CALD1: variants seen among roughly 807,000 people sequenced by gnomAD.
The protein encoded by CALD1 is caldesmon.
A neutral mutation model predicts 99.9 loss-of-function variants in CALD1; 33 were observed. The ratio of observed to expected loss-of-function variants is 0.33; its 90% CI spans 0.25 to 0.44. The LOEUF (loss-of-function observed/expected upper bound fraction) is 0.44. CALD1 is among the 20% of genes least tolerant of loss of function. CALD1 has a pLI of 1.00. For missense variants in CALD1, 861 were observed against 962.1 expected (o/e 0.89, Z 1.39); for synonymous variants, 310 against 325.0 (o/e 0.95, Z 0.50).
intron 1 of CALD1, among the ~76,000 whole-genome samples, chr7:134,767,677 C>CATGG (rs112636176): frequency 1.1e-3 from 167 of 152,358 alleles, no homozygotes; most frequent in African/African-American, 3.9e-3. Context: ...AGGAAACGTG[C>CATGG]ATGGCTGGGT....
At chr7:134,774,169 C>CAAAAAAAA (rs5887704) in intron 1 of CALD1, among the ~76,000 whole-genome samples, 1 of 135,956 alleles carries the variant, frequency 7.4e-6, no homozygotes, top group Non-Finnish European at 1.6e-5. Flanking sequence ...GATTCCATCT[C>CAAAAAAAA]AAAAAAAAAA....
At chr7:134,790,114 G>A (rs1169570972) in intron 1 of CALD1, among the ~76,000 whole-genome samples, 8 of 148,930 alleles carry the variant, frequency 5.4e-5, no homozygotes, top group African/African-American at 2.5e-5. Flanking sequence ...AGAAAGGAGA[G>A]GACAGAGAGG....
chr7:134,771,890 G>A (rs1562992819), intron 1 of CALD1, among the ~76,000 whole-genome samples: 1 of 151,952 alleles, frequency 6.6e-6, no homozygotes, highest in Non-Finnish European at 1.5e-5. Flanking sequence ...AGACTACCCT[G>A]TTTCTCCCTA....
At chr7:134,952,475 T>C (rs1179668072) in intron 9 of CALD1, among the ~76,000 whole-genome samples, 8 of 145,888 alleles carry the variant, frequency 5.5e-5, no homozygotes, top group Non-Finnish European at 7.6e-5. Flanking sequence ...CCCTTAGTCT[T>C]TTTTTTTTTT....
At chr7:134,929,605 G>GGTGTGTGTATATACACACACATATAT (rs1805333351) in intron 4 of CALD1, among the ~76,000 whole-genome samples, 2 of 11,068 alleles carry the variant, frequency 1.8e-4, no homozygotes. Context: ...AGTATTCCAT[G>GGTGTGTGTATATACACACACATATAT]GTGTGTGTAT....
intron 1 of CALD1, among the ~76,000 whole-genome samples, chr7:134,797,851 CAA>C (rs761244729): frequency 1.3e-5 from 2 of 152,154 alleles, no homozygotes; most frequent in African/African-American, 2.4e-5. Context: ...CTCGGCTTCC[CAA>C]AGTGTTTGGA....
chr7:134,785,627 G>A (rs750925477), intron 1 of CALD1, among the ~76,000 whole-genome samples: 8 of 152,078 alleles, frequency 5.3e-5, no homozygotes, highest in Non-Finnish European at 1.0e-4. Flanking sequence ...TGCATAGTTC[G>A]GATCCCATTT....
rs1460881736 is a variant in CALD1, at chr7:134,779,704, C to A, written c.-175C>A. On this transcript the variant is annotated 5_prime_UTR_variant, in exon 1 of 15. Coordinates refer to ENST00000361675, the MANE Select transcript of CALD1 (RefSeq NM_033138.4). The stretch of plus-strand genomic sequence containing the variant: ...TGTGCTCCTGCTTAAAGAAATCAGT[C>A]CTTCCTTTCCGACTTAGTCCTCGGG... 9 of 398,610 alleles carry A rather than the reference C, an allele frequency of 2.3e-5. No individual in the cohort carries two copies. The highest frequency in any genetic ancestry group is 1.3e-4 in the South Asian group (1 of 7,854). The allele number at this position is 398,610 out of a possible 1,614,324, so 24.7% of individuals were successfully genotyped here. A position where few individuals can be genotyped will look rare whatever the true frequency, so the allele number is the denominator to read the frequency against.
At chr7:134,788,954 G>T (rs1429797698) in intron 1 of CALD1, among the ~76,000 whole-genome samples, 1 of 149,820 alleles carries the variant, frequency 6.7e-6, no homozygotes, top group Non-Finnish European at 1.5e-5. Flanking sequence ...GGTCGAAGCT[G>T]CAGTGAGCTG....
chr7:134,727,276 T>G, the CALD1 span, among the ~76,000 whole-genome samples: 3 of 152,250 alleles, frequency 2.0e-5, no homozygotes, highest in African/African-American at 4.8e-5. Context: ...GTGAGAGCCA[T>G]GTGCTTTGCA....
At chr7:134,733,603 T>C in the CALD1 span, among the ~76,000 whole-genome samples, 2 of 151,738 alleles carry the variant, frequency 1.3e-5, no homozygotes, top group African/African-American at 4.8e-5. Context: ...GGTCAGGAGA[T>C]CGAGACCATC....
chr7:134,804,639 G>C (rs944647201), intron 1 of CALD1, among the ~76,000 whole-genome samples: 7 of 152,162 alleles, frequency 4.6e-5, no homozygotes, highest in Non-Finnish European at 5.9e-5. Flanking sequence ...GATTATCTAA[G>C]AGCATCTTGA....
chr7:134,815,583 G>T lies in CALD1; in HGVS notation c.-129-28301G>T, dbSNP rs1349961224. 3.9e-5 allele frequency among the ~76,000 whole-genome samples: 6 copies of T among 152,252 alleles called. No homozygotes were observed. The East Asian group carries it at 1.2e-3, about 29-fold the overall frequency. On this transcript the variant is annotated intron_variant, in intron 1 of 14. Coordinates refer to ENST00000361675, the MANE Select transcript of CALD1 (RefSeq NM_033138.4). The stretch of plus-strand genomic sequence containing the variant: ...CACCTATCTGAAGTCTCACTGTTTA[G>T]AGGGGTGACCCTCTAAACCATTTCT...
intron 3 of CALD1, among the ~76,000 whole-genome samples, chr7:134,893,517 G>A (rs570161557): frequency 1.3e-4 from 20 of 152,212 alleles, no homozygotes; most frequent in East Asian, 7.7e-4. Context: ...TACCTGATCC[G>A]GTGAAATAAG....
chr7:134,944,186 C>G (rs1806675425), intron 7 of CALD1, among the ~76,000 whole-genome samples: 1 of 152,118 alleles, frequency 6.6e-6, no homozygotes, highest in Non-Finnish European at 1.5e-5. Flanking sequence ...TTTGAGGGAC[C>G]CTTTAACCTT....
intron 3 of CALD1, among the ~76,000 whole-genome samples, chr7:134,913,271 A>T (rs1803954272): frequency 6.6e-6 from 1 of 152,174 alleles, no homozygotes; most frequent in Non-Finnish European, 1.5e-5. Flanking sequence ...CATCTCAAAA[A>T]AGAAAAAAAA....
the CALD1 span, among the ~76,000 whole-genome samples, chr7:134,722,764 AC>A: frequency 6.7e-6 from 1 of 150,174 alleles, no homozygotes. Flanking sequence ...ATCTTATTCC[AC>A]CCCCTCCACC....
intron 1 of CALD1, among the ~76,000 whole-genome samples, chr7:134,837,153 C>A (rs905179832): frequency 2.6e-5 from 4 of 151,812 alleles, no homozygotes; most frequent in African/African-American, 9.7e-5. Context: ...GCTTGCTAGT[C>A]TTGGGACCTG....
the CALD1 span, among the ~76,000 whole-genome samples, chr7:134,726,415 A>ATATATAATATATATTATATAGCTT: frequency 4.9e-3 from 182 of 36,964 alleles, 1 homozygote; most frequent in East Asian, 0.013. Context: ...ATATAGCTTT[A>ATATATAATATATATTATATAGCTT]TATATATAAT....
Sources: gnomAD v4.1 joint callset for allele counts (sites outside exome capture counted in the v4.1 genomes callset) on GRCh38, gnomAD v4.1.1 for gene constraint, MANE v1.5 for transcripts, NCBI Gene and HGNC (gene_info 2026-07-23, HGNC 2026-07-21) for gene names.